LRRC71: variants seen among roughly 807,000 people sequenced by gnomAD.
The protein encoded by LRRC71 is leucine rich repeat containing 71, also known as leucine-rich repeat-containing protein 71.
LRRC71 carries 54 observed loss-of-function variants against 66.6 expected under a neutral mutation model. The ratio of observed to expected loss-of-function variants is 0.81; its 90% CI spans 0.65 to 1.02. LRRC71 has a LOEUF of 1.02. Ranked by LOEUF, LRRC71 falls within the 50% of genes least tolerant of loss-of-function variation. The pLI, the probability that LRRC71 is intolerant of heterozygous loss-of-function variation, is 0.00. For synonymous variants in LRRC71, 323 were observed against 303.9 expected (o/e 1.06, Z -0.65); for missense variants, 724 against 718.0 (o/e 1.01, Z -0.10).
At position 156,924,025 on chromosome 1, in the gene LRRC71, C is replaced by G. The variant is rs1365825144; in HGVS notation, c.237C>G (p.Pro79=). 6.5e-7 allele frequency: 1 copy of G among 1,548,478 alleles called. No individual in the cohort carries two copies. The highest frequency in any genetic ancestry group is 8.7e-7 in the Non-Finnish European group (1 of 1,146,174). Residue 79 remains proline (P), a synonymous_variant, in exon 2 of 15, where the codon CCC becomes CCG. Coordinates refer to ENST00000337428, the MANE Select transcript of LRRC71 (RefSeq NM_144702.3). ...LCTRWGYTDF[P]KVVNRPRPHP... ...CGCGGTGGGGCTACACGGACTTCCC[C>G]AAAGTTGTCAACCGGCCCCGCCCCC...
chr1:156,932,110 T>C, intron 13 of LRRC71, 83 bp downstream of exon 13: 3 of 1,106,872 alleles, frequency 2.7e-6, no homozygotes, highest in Non-Finnish European at 1.3e-6. Context: ...CCCGACTCTA[T>C]GGAGCAGAGC....
In LRRC71 at chr1:156,920,902, G is replaced by C; in HGVS notation, c.99G>C (p.Ala33=). The C allele has an allele frequency of 3.2e-6, 5 of 1,540,466 alleles. No individual in the cohort carries two copies. The highest frequency in any genetic ancestry group is 4.4e-6 in the Non-Finnish European group (5 of 1,142,592). The change falls in exon 1 of 15, where the codon GCG becomes GCC. Residue 33 remains alanine (A), a synonymous_variant. Coordinates refer to ENST00000337428, the MANE Select transcript of LRRC71 (RefSeq NM_144702.3). This position sits in a 1 kb window ranked among gnomAD's most constrained non-coding sequence, Gnocchi z 4.9. ...SGAVTKKGER[A]AKEKPATVLP... The stretch of plus-strand genomic sequence containing the variant: ...CGGTGACCAAAAAGGGAGAGCGCGC[G>C]GCCAAAGAGAAGCCAGCGACCGTTC...
chr1:156,932,508 C>G lies in LRRC71; in HGVS notation c.1526C>G (p.Ser509Cys), dbSNP rs1397159723. The G allele has an allele frequency of 1.9e-6, 3 of 1,613,970 alleles. No homozygotes were observed. The highest frequency in any genetic ancestry group is 2.5e-6 in the Non-Finnish European group (3 of 1,179,886). The change falls in exon 14 of 15, where the codon TCC (serine) becomes TGC (cysteine). Residue 509 changes from serine to cysteine, a missense_variant. By Grantham distance (112) the Ser-to-Cys change is moderately radical. Transcript: ENST00000337428. ...QMQFSKAKSASKGPVGLLWLS... is the reference protein window; with the variant it reads ...QMQFSKAKSACKGPVGLLWLS... Reference sequence around the variant, plus strand: ...CAGTTCTCCAAGGCCAAGAGTGCATCCAAGGGTCCAGTGGGGCTGCTGTGG... The same window carrying G: ...CAGTTCTCCAAGGCCAAGAGTGCATGCAAGGGTCCAGTGGGGCTGCTGTGG...
At chr1:156,936,157 A>G, downstream of LRRC71, 3 of 1,221,710 alleles carry the variant, frequency 2.5e-6, no homozygotes, top group Non-Finnish European at 1.2e-6. Flanking sequence ...CAGATCCTTC[A>G]TCACCTTCCT....
rs773247848 is a variant in LRRC71, at chr1:156,927,635, G to A, written c.802G>A (p.Gly268Ser). 5.0e-6 allele frequency: 8 copies of A among 1,604,826 alleles called. No homozygotes were observed. In the South Asian group the frequency reaches 7.8e-5, roughly 16 times the overall value. Residue 268 changes from glycine (G) to serine (S), a missense_variant, in exon 7 of 15, where the codon GGC becomes AGC. By Grantham distance (56) the Gly-to-Ser change is moderately conservative. Coordinates refer to ENST00000337428, the MANE Select transcript of LRRC71 (RefSeq NM_144702.3). ...GGGTTTCAACCACATCGGTGACGAG[G>A]GCGCAGGCTACATCGCGGACGTGAG... ...NLGFNHIGDEGAGYIADGLRL... is the reference protein window; with the variant it reads ...NLGFNHIGDESAGYIADGLRL...
At chr1:156,931,862 G>T (rs1358752972) in intron 12 of LRRC71, 54 bp from the exon 13 acceptor site, 1 of 1,325,152 alleles carries the variant, frequency 7.5e-7, no homozygotes, top group Non-Finnish European at 1.1e-6. Context: ...TGAATGAATG[G>T]CCTGTTGACC....
chr1:156,939,550 T>C, the LRRC71 span: 2 of 1,610,672 alleles, frequency 1.2e-6, no homozygotes, highest in East Asian at 4.5e-5. Context: ...TATTTTACCT[T>C]TTCTCACAAC....
chr1:156,932,649 G>T (rs756452085), intron 14 of LRRC71, 104 bp downstream of exon 14: 1 of 1,611,962 alleles, frequency 6.2e-7, no homozygotes, highest in Non-Finnish European at 8.5e-7. Context: ...TTCCAAGGAA[G>T]GTCTGTAGTT....
At chr1:156,930,729 G>A (rs1431670544) in intron 12 of LRRC71, 112 bp downstream of exon 12, 54 of 994,012 alleles carry the variant, frequency 5.4e-5, no homozygotes, top group Non-Finnish European at 7.4e-5. Context: ...CCATGCTGTG[G>A]CAGCAGCCAT....
At chr1:156,931,544 A>C (rs981136219) in intron 12 of LRRC71, among the ~76,000 whole-genome samples, 4 of 152,192 alleles carry the variant, frequency 2.6e-5, no homozygotes, top group African/African-American at 9.7e-5. Flanking sequence ...TGAATGCGAC[A>C]TACTGTTTCA....
chr1:156,930,693 C>T (rs1435680964), intron 12 of LRRC71, 76 bp downstream of exon 12: 1 of 1,360,994 alleles, frequency 7.3e-7, no homozygotes, highest in East Asian at 2.5e-5. Context: ...CTCACCCCAG[C>T]CCCTCCTGGA....
At position 156,924,477 on chromosome 1, in the gene LRRC71, G is replaced by A. The variant is rs1173901712; in HGVS notation, c.364G>A (p.Val122Met). 27 of 1,551,292 alleles carry A rather than the reference G, an allele frequency of 1.7e-5. No homozygotes were observed. The highest frequency in any genetic ancestry group is 2.3e-5 in the Non-Finnish European group (26 of 1,146,992). Reference sequence around the variant, plus strand: ...CCTCAATAGCCTGGAGAGCAAATACGTGTTCTTCCGGCCCACCATCCAGGT... The same window carrying A: ...CCTCAATAGCCTGGAGAGCAAATACATGTTCTTCCGGCCCACCATCCAGGT... ...CSLNSLESKY[V>M]FFRPTIQVEL... is the part of the protein sequence containing the mutation. Residue 122 changes from valine (V) to methionine (M), a missense_variant, in exon 3 of 15, where the codon GTG becomes ATG. Transcript: ENST00000337428.
downstream of LRRC71, among the ~76,000 whole-genome samples, chr1:156,934,569 GTATATATATGTATC>G (rs1654746256): frequency 6.6e-6 from 1 of 151,898 alleles, no homozygotes; most frequent in Admixed American, 6.6e-5. Flanking sequence ...ATATATGTGT[GTATATATATGTATC>G]TATATATATA....
At chr1:156,922,686 G>T (rs1652574306) in intron 1 of LRRC71, among the ~76,000 whole-genome samples, 1 of 152,172 alleles carries the variant, frequency 6.6e-6, no homozygotes, top group Non-Finnish European at 1.5e-5. Context: ...TTCTCAAGGT[G>T]TTGTCCTTGG....
At chr1:156,930,690 C>A in intron 12 of LRRC71, 73 bp downstream of exon 12, 8 of 1,383,730 alleles carry the variant, frequency 5.8e-6, no homozygotes, top group Non-Finnish European at 8.0e-6. Flanking sequence ...CGTCTCACCC[C>A]AGCCCCTCCT....
At chr1:156,940,154 C>A in the LRRC71 span, 1 of 1,516,566 alleles carries the variant, frequency 6.6e-7, no homozygotes, top group Non-Finnish European at 8.9e-7. Context: ...CCAGTTCACA[C>A]TGGGTGTGCG....
At chr1:156,928,646 C>G (rs1653804695) in intron 9 of LRRC71, among the ~76,000 whole-genome samples, 1 of 140,120 alleles carries the variant, frequency 7.1e-6, no homozygotes, top group Admixed American at 7.6e-5. Context: ...TCTCGGTTCA[C>G]TGCAGTCTCT....
chr1:156,926,318 G>C (rs1653184315), intron 5 of LRRC71, among the ~76,000 whole-genome samples: 1 of 152,226 alleles, frequency 6.6e-6, no homozygotes, highest in African/African-American at 2.4e-5. Flanking sequence ...GCTGCTGACT[G>C]TGGCTGCACT....
intron 14 of LRRC71, 102 bp from the exon 15 acceptor site, chr1:156,932,751 C>A: frequency 6.8e-7 from 1 of 1,478,624 alleles, no homozygotes; most frequent in Non-Finnish European, 9.3e-7. Context: ...CTGCATGTCC[C>A]CCAGCCCCTA....
Sources: allele counts gnomAD v4.1 joint callset (sites outside exome capture counted in the v4.1 genomes callset), GRCh38; gene constraint gnomAD v4.1.1; non-coding constraint Gnocchi (gnomAD v3.1); transcripts MANE v1.5; gene names NCBI Gene and HGNC (gene_info 2026-07-23, HGNC 2026-07-21).